The following ARFIP1 variants were observed in gnomAD, a reference collection of about 807,000 sequenced individuals.
ARFIP1 encodes ARF interacting protein 1.
Under a neutral mutation model 42.5 loss-of-function variants are expected in ARFIP1, and 24 were observed. That is an observed-to-expected ratio of 0.57 (90% CI 0.41 to 0.80). The LOEUF (loss-of-function observed/expected upper bound fraction) is 0.80. Among genes scored for constraint, ARFIP1 ranks in the 30% least tolerant of loss-of-function variants. The pLI is 0.00. For missense variants in ARFIP1, 354 were observed against 434.0 expected (o/e 0.82, Z 1.64); for synonymous variants, 141 against 153.7 (o/e 0.92, Z 0.61).
At chr4:152,890,781 G>A (rs1736780167) in intron 8 of ARFIP1, among the ~76,000 whole-genome samples, 1 of 152,118 alleles carries the variant, frequency 6.6e-6, no homozygotes, top group Non-Finnish European at 1.5e-5. Flanking sequence ...GATGAACAGG[G>A]TCAGGGCTTC....
chr4:152,883,374 C>T (rs964507128), intron 7 of ARFIP1: 2 of 152,162 alleles, frequency 1.3e-5, no homozygotes, highest in African/African-American at 4.8e-5. Context: ...TCCTTATTAC[C>T]ACTGCTTCCA....
intron 1 of ARFIP1, chr4:152,810,270 G>A (rs1561113605): frequency 1.3e-5 from 2 of 152,176 alleles, no homozygotes; most frequent in South Asian, 4.1e-4. Flanking sequence ...GCCTGCAAAA[G>A]CTGATTGGTA....
intron 1 of ARFIP1, among the ~76,000 whole-genome samples, chr4:152,804,220 A>AATATAAGATGTATTATATATTAT (rs1728731993): frequency 8.4e-6 from 1 of 119,364 alleles, no homozygotes; most frequent in Non-Finnish European, 1.6e-5. Flanking sequence ...TATTATATAT[A>AATATAAGATGTATTATATATTAT]ATATAACATG....
At chr4:152,787,493 C>T (rs60497378) in intron 1 of ARFIP1, among the ~76,000 whole-genome samples, 1 of 152,218 alleles carries the variant, frequency 6.6e-6, no homozygotes, top group Non-Finnish European at 1.5e-5. Flanking sequence ...GATGCACCTA[C>T]GCAAGCATGC....
In ARFIP1 at chr4:152,908,453, A is replaced by G. The variant is rs191255785; in HGVS notation, c.967-1611A>G. Among the ~76,000 whole-genome samples, 160 of 152,240 alleles carry G rather than the reference A, an allele frequency of 1.1e-3. 1 individual carries two copies. The highest frequency in any genetic ancestry group is 1.9e-3 in the Non-Finnish European group (132 of 68,016). The stretch of plus-strand genomic sequence containing the variant: ...GGTGAAACCCCGTCTCTACTAAAAT[A>G]CAAAAAATTATCCAGGCGTGGTGGT... On this transcript the variant is annotated intron_variant, in intron 8 of 8. Transcript: ENST00000353617.
chr4:152,853,266 G>A (rs2149868034), intron 2 of ARFIP1, among the ~76,000 whole-genome samples: 2 of 152,246 alleles, frequency 1.3e-5, no homozygotes, highest in South Asian at 4.1e-4. Context: ...TTACCTGTGA[G>A]TTTTGTATGT....
chr4:152,872,841 C>T (rs1409597963), intron 5 of ARFIP1, among the ~76,000 whole-genome samples: 1 of 152,152 alleles, frequency 6.6e-6, no homozygotes, highest in Non-Finnish European at 1.5e-5. Context: ...ATTTATTTAG[C>T]TGTAGAGCTA....
chr4:152,864,525 C>T (rs1734160074), intron 3 of ARFIP1, among the ~76,000 whole-genome samples: 1 of 152,210 alleles, frequency 6.6e-6, no homozygotes, highest in Non-Finnish European at 1.5e-5. Flanking sequence ...TTAATTCCTC[C>T]AGCAGTGAGA....
chr4:152,907,761 G>C (rs1240472658), intron 8 of ARFIP1, among the ~76,000 whole-genome samples: 1 of 152,166 alleles, frequency 6.6e-6, no homozygotes, highest in Non-Finnish European at 1.5e-5. Flanking sequence ...TGCGTTGAGA[G>C]ACCACTCTAT....
intron 1 of ARFIP1, among the ~76,000 whole-genome samples, chr4:152,805,439 A>T (rs1011853789): frequency 1.3e-5 from 2 of 152,234 alleles, no homozygotes; most frequent in African/African-American, 4.8e-5. Context: ...ATCATTGCTT[A>T]ACACTGGATT....
At chr4:152,853,245 A>G (rs767241333) in intron 2 of ARFIP1, among the ~76,000 whole-genome samples, 1 of 151,904 alleles carries the variant, frequency 6.6e-6, no homozygotes, top group Non-Finnish European at 1.5e-5. Flanking sequence ...TTTGTCATTT[A>G]TGTGTTTGCT....
intron 1 of ARFIP1, among the ~76,000 whole-genome samples, 190 bp downstream of exon 1, chr4:152,780,416 C>CT (rs1257075321): frequency 3.3e-5 from 5 of 152,234 alleles, no homozygotes; most frequent in Non-Finnish European, 5.9e-5. Context: ...TTCTGTCCCT[C>CT]TGAGTGTGCC....
chr4:152,888,520 T>C (rs1291731551), intron 8 of ARFIP1, among the ~76,000 whole-genome samples: 4 of 152,142 alleles, frequency 2.6e-5, no homozygotes, highest in Non-Finnish European at 5.9e-5. Flanking sequence ...CTTTCACATA[T>C]AACACATGGC....
chr4:152,783,834 G>GGTGTGT (rs748960689), intron 1 of ARFIP1, among the ~76,000 whole-genome samples: 1 of 149,958 alleles, frequency 6.7e-6, no homozygotes, highest in African/African-American at 2.4e-5. Context: ...ATAAGTCTCT[G>GGTGTGT]GTGTGTGTGT....
intron 2 of ARFIP1, among the ~76,000 whole-genome samples, chr4:152,849,817 G>A (rs1732840643): frequency 1.3e-5 from 2 of 152,186 alleles, no homozygotes; most frequent in South Asian, 2.1e-4. Context: ...ATCTAGAAGT[G>A]TTGCTTCCGA....
intron 8 of ARFIP1, among the ~76,000 whole-genome samples, chr4:152,896,002 T>C (rs1737291048): frequency 6.6e-6 from 1 of 151,994 alleles, no homozygotes; most frequent in Non-Finnish European, 1.5e-5. Context: ...GTAAGTGTGA[T>C]GAAGGGAAAA....
intron 3 of ARFIP1, among the ~76,000 whole-genome samples, chr4:152,868,479 A>G (rs1035788707): frequency 2.0e-5 from 3 of 152,210 alleles, no homozygotes; most frequent in Non-Finnish European, 2.9e-5. Flanking sequence ...TTAAAGTATT[A>G]AAGATACAGA....
intron 2 of ARFIP1, among the ~76,000 whole-genome samples, chr4:152,844,080 T>A (rs1354370133): frequency 3.3e-5 from 5 of 152,194 alleles, no homozygotes; most frequent in African/African-American, 1.2e-4. Flanking sequence ...CCCAGCGAGC[T>A]CCCAGGGCCT....
chr4:152,784,418 C>T (rs899121216), intron 1 of ARFIP1, among the ~76,000 whole-genome samples: 31 of 152,216 alleles, frequency 2.0e-4, no homozygotes, highest in African/African-American at 6.8e-4. Flanking sequence ...ATTCCATTCT[C>T]CTCCATTCCT....
Sources: gnomAD v4.1 joint callset for allele counts (sites outside exome capture counted in the v4.1 genomes callset) on GRCh38, gnomAD v4.1.1 for gene constraint, MANE v1.5 for transcripts, NCBI Gene and HGNC (gene_info 2026-07-23, HGNC 2026-07-21) for gene names.